OLFM2: variants seen among roughly 807,000 people sequenced by gnomAD.
OLFM2 encodes the protein noelin-2.
A neutral mutation model predicts 43.9 loss-of-function variants in OLFM2; 20 were observed. The observed-to-expected ratio is 0.46, with a 90% CI of 0.32 to 0.66. The LOEUF (loss-of-function observed/expected upper bound fraction) is 0.66. Ranked by LOEUF, OLFM2 falls within the 30% of genes least tolerant of loss-of-function variation. The pLI, the probability that OLFM2 is intolerant of heterozygous loss-of-function variation, is 0.04. For synonymous variants in OLFM2, 268 were observed against 278.6 expected (o/e 0.96, Z 0.38); for missense variants, 416 against 643.6 (o/e 0.65, Z 3.83).
Position 9,857,294 on chromosome 19 carries a change from C to T in OLFM2, c.549G>A (p.Glu183=), listed in dbSNP as rs867441587. 1.9e-6 allele frequency: 3 copies of T among 1,614,156 alleles called. No individual in the cohort carries two copies. In the South Asian group the frequency reaches 3.3e-5, roughly 18 times the overall value. ...TCTGGGCGCAGGCGTGGAGCCGGGCCTCCAGGGCCATCACCCGTTGCTGCA... is the reference window on the plus strand; with the variant it reads ...TCTGGGCGCAGGCGTGGAGCCGGGCTTCCAGGGCCATCACCCGTTGCTGCA... ...EDLQQRVMAL[E]ARLHACAQKL... Residue 183 remains glutamate (E), a synonymous_variant, in exon 4 of 6, where the codon GAG becomes GAA. Transcript: ENST00000264833. This position sits in a 1 kb window ranked among gnomAD's most constrained non-coding sequence, Gnocchi z 5.7.
At position 9,878,381 on chromosome 19, in the gene OLFM2, C is replaced by CTT. The variant is rs34231833; in HGVS notation, c.64-17589_64-17588dup. On this transcript the variant is annotated intron_variant, in intron 1 of 5. Transcript: ENST00000264833. Reference sequence around the variant, plus strand: ...CTCTGAGCCTCAGTTTCATTTCTCTCTTTTTTTTTTTTTTTTTTTTTTTTT... The same window carrying CTT: ...CTCTGAGCCTCAGTTTCATTTCTCTCTTTTTTTTTTTTTTTTTTTTTTTTTTT... 6.7e-3 allele frequency among the ~76,000 whole-genome samples: 384 copies of CTT among 57,672 alleles called. 8 individuals are homozygous for CTT. Among genetic ancestry groups the CTT allele is most frequent in the Middle Eastern group, 0.012 (1 of 82 alleles). The allele number at this position is 57,672 out of a possible 152,430, so 37.8% of individuals were successfully genotyped here.
chr19:9,919,174 C>CTTTTT (rs201501920), intron 1 of OLFM2, among the ~76,000 whole-genome samples: 14 of 123,120 alleles, frequency 1.1e-4, no homozygotes, highest in African/African-American at 3.9e-4. Flanking sequence ...TCATTTCTCT[C>CTTTTT]TCTTTTTTTT....
At chr19:9,904,207 T>TC (rs2046766026) in intron 1 of OLFM2, among the ~76,000 whole-genome samples, 3 of 143,576 alleles carry the variant, frequency 2.1e-5, no homozygotes, top group Non-Finnish European at 3.0e-5. Flanking sequence ...TGTGTGTGTT[T>TC]TGAGATGGAG....
intron 1 of OLFM2, among the ~76,000 whole-genome samples, chr19:9,887,653 C>T (rs1331703006): frequency 1.3e-5 from 2 of 151,968 alleles, no homozygotes; most frequent in Non-Finnish European, 2.9e-5. Context: ...AGTCTGCTTC[C>T]CCCACAGCAG....
intron 1 of OLFM2, 111 bp downstream of exon 1, chr19:9,936,193 T>A: frequency 8.8e-7 from 1 of 1,138,654 alleles, no homozygotes; most frequent in South Asian, 1.3e-5. Context: ...CTCGCCGCCC[T>A]GCAGCTGGGG....
Position 9,936,496 on chromosome 19 carries a change from G to T in OLFM2, c.-130C>A, listed in dbSNP as rs2086516086. 1.6e-6 allele frequency: 1 copy of T among 617,664 alleles called. No individual in the cohort carries two copies. The allele number at this position is 617,664 out of a possible 1,614,324, so 38.3% of individuals were successfully genotyped here. A position where few individuals can be genotyped will look rare whatever the true frequency, so the allele number is the denominator to read the frequency against. On this transcript the variant is annotated 5_prime_UTR_variant, in exon 1 of 6. Coordinates refer to ENST00000264833, the MANE Select transcript of OLFM2 (RefSeq NM_058164.4). Reference sequence around the variant, plus strand: ...GCGCCGCCGCCTCCCCCGCCTCGCCGGCGGCCGGGATTCCGCCCCACCCCC... The same window carrying T: ...GCGCCGCCGCCTCCCCCGCCTCGCCTGCGGCCGGGATTCCGCCCCACCCCC...
chr19:9,858,677 C>T (rs1311995229), intron 2 of OLFM2, among the ~76,000 whole-genome samples: 1 of 152,210 alleles, frequency 6.6e-6, no homozygotes. Context: ...TGAGAGCACC[C>T]AGCTCCCACC....
At chr19:9,860,064 C>T (rs1467721031) in intron 2 of OLFM2, among the ~76,000 whole-genome samples, 1 of 152,000 alleles carries the variant, frequency 6.6e-6, no homozygotes, top group Non-Finnish European at 1.5e-5. Context: ...ATTGCTTGAA[C>T]CTGGGAGGTG....
At chr19:9,870,502 G>A (rs938657483) in intron 1 of OLFM2, among the ~76,000 whole-genome samples, 3 of 152,154 alleles carry the variant, frequency 2.0e-5, no homozygotes, top group African/African-American at 7.2e-5. Flanking sequence ...GGGAGCCAAG[G>A]TCCTTCTCCA....
chr19:9,856,809 G>A lies in OLFM2; in HGVS notation c.685C>T (p.Arg229Trp), dbSNP rs1289831457. The change falls in exon 5 of 6, where the codon CGG becomes TGG. Residue 229 changes from arginine to tryptophan, a missense_variant and splice_region_variant. Physicochemically the swap from Arg to Trp is moderately radical, Grantham distance 101. Transcript: ENST00000264833. This position sits in a 1 kb window ranked among gnomAD's most constrained non-coding sequence, Gnocchi z 4.0. ...CAGGGGTGGGCGCAGTCACTCACCC[G>A]GCTATCCGCACTGGGGGCCATCGTG... ...TDTMAPSADS[R>W]VWYMDGYYKG... 6.2e-7 allele frequency: 1 copy of A among 1,612,550 alleles called. No homozygotes were observed. The highest frequency in any genetic ancestry group is 8.5e-7 in the Non-Finnish European group (1 of 1,179,382).
intron 1 of OLFM2, among the ~76,000 whole-genome samples, chr19:9,880,247 T>C (rs760492262): frequency 2.0e-5 from 3 of 152,278 alleles, no homozygotes; most frequent in African/African-American, 4.8e-5. Context: ...AGAGTCAGCA[T>C]GGGCAAAGGC....
intron 1 of OLFM2, among the ~76,000 whole-genome samples, chr19:9,884,395 G>T (rs934619007): frequency 1.3e-5 from 2 of 151,998 alleles, no homozygotes; most frequent in African/African-American, 4.8e-5. Flanking sequence ...GGCCAACATG[G>T]TGAAATCCCA....
chr19:9,880,593 T>C (rs1439480545), intron 1 of OLFM2, among the ~76,000 whole-genome samples: 2 of 151,776 alleles, frequency 1.3e-5, no homozygotes, highest in Admixed American at 6.6e-5. Context: ...CGAGACCCCA[T>C]CTCTAAAAAT....
chr19:9,936,042 C>T (rs1008960103), intron 1 of OLFM2, among the ~76,000 whole-genome samples: 12 of 151,552 alleles, frequency 7.9e-5, no homozygotes, highest in African/African-American at 2.9e-4. Context: ...GGTGGGGGCT[C>T]GGGGCCATGG....
chr19:9,912,544 G>A (rs916809646), intron 1 of OLFM2, among the ~76,000 whole-genome samples: 1 of 152,078 alleles, frequency 6.6e-6, no homozygotes, highest in African/African-American at 2.4e-5. Flanking sequence ...GGAGTGGGGG[G>A]AAAGGCATAT....
rs191925006 is a variant in OLFM2, at chr19:9,877,194, C to A, written c.64-16400G>T. Among the ~76,000 whole-genome samples, 32 of 146,318 alleles carry A rather than the reference C, an allele frequency of 2.2e-4. 1 individual carries two copies. In the East Asian group the frequency reaches 6.1e-3, roughly 28 times the overall value. On this transcript the variant is annotated intron_variant, in intron 1 of 5. Transcript: ENST00000264833. ...GCGATGAGCCGAGATGGTGCCACTG[C>A]ACTCCAGCCTTGGCGACAGAGTGAG... is the stretch of plus-strand genomic sequence containing the variant.
chr19:9,887,288 C>T (rs2046596283), intron 1 of OLFM2, among the ~76,000 whole-genome samples: 1 of 151,980 alleles, frequency 6.6e-6, no homozygotes, highest in African/African-American at 2.4e-5. Flanking sequence ...AAGCGATTCT[C>T]CTGCCTCAGC....
Position 9,878,214 on chromosome 19 carries a change from G to A in OLFM2, c.64-17420C>T, listed in dbSNP as rs73496766. ...ACAGCAAACAGGCCGGGACACATAC[G>A]CAACGTGATATTCAAGGGAGTGTGA... On this transcript the variant is annotated intron_variant, in intron 1 of 5. Transcript: ENST00000264833. Among the ~76,000 whole-genome samples the A allele has an allele frequency of 2.0e-3, 306 of 152,018 alleles. 1 individual carries two copies. Among genetic ancestry groups the A allele is most frequent in the African/African-American group, 7.0e-3 (291 of 41,482 alleles).
intron 1 of OLFM2, among the ~76,000 whole-genome samples, chr19:9,899,246 C>T (rs2046710509): frequency 6.6e-6 from 1 of 150,632 alleles, no homozygotes; most frequent in Non-Finnish European, 1.5e-5. Context: ...GCCTGGGCAA[C>T]AGAATGAGAT....
Sources: allele counts gnomAD v4.1 joint callset (sites outside exome capture counted in the v4.1 genomes callset), GRCh38; gene constraint gnomAD v4.1.1; non-coding constraint Gnocchi (gnomAD v3.1); transcripts MANE v1.5; gene names NCBI Gene and HGNC (gene_info 2026-07-23, HGNC 2026-07-21).